The following SPAG6 variants were observed in gnomAD, a reference collection of about 807,000 sequenced individuals.
SPAG6 encodes sperm-associated antigen 6.
A neutral mutation model predicts 58.5 loss-of-function variants in SPAG6; 49 were observed. That is an observed-to-expected ratio of 0.84 (90% confidence interval 0.67 to 1.06). The LOEUF is 1.06. Ranked by LOEUF, SPAG6 falls within the 50% of genes least tolerant of loss-of-function variation. The pLI, the probability that SPAG6 is intolerant of heterozygous loss-of-function variation, is 0.00. For missense variants in SPAG6, 560 were observed against 611.3 expected (o/e 0.92, Z 0.89); for synonymous variants, 233 against 225.6 (o/e 1.03, Z -0.29).
At position 22,387,920 on chromosome 10, in the gene SPAG6, G is replaced by A. The variant is rs754715150; in HGVS notation, c.776G>A (p.Cys259Tyr). 9 of 1,613,048 alleles carry A rather than the reference G, an allele frequency of 5.6e-6. No homozygotes were observed. The highest frequency in any genetic ancestry group is 4.0e-5 in the African/African-American group (3 of 74,810). Residue 259 changes from cysteine to tyrosine, a missense_variant, in exon 6 of 11, where the codon TGT becomes TAT. Transcript: ENST00000376624. ...EAEIFPVVLT[C>Y]LKDKDEYVKK... ...GAGATTTTTCCAGTTGTACTTACCT[G>A]TCTGAAGGACAAGGATGAATACGTG...
At chr10:22,393,677 T>C (rs1238295386) in intron 8 of SPAG6, among the ~76,000 whole-genome samples, 3 of 152,206 alleles carry the variant, frequency 2.0e-5, no homozygotes, top group Non-Finnish European at 4.4e-5. Flanking sequence ...CATTATTCCA[T>C]CAACAATCTT....
At chr10:22,352,752 A>G (rs1165818061) in intron 2 of SPAG6, among the ~76,000 whole-genome samples, 5 of 152,138 alleles carry the variant, frequency 3.3e-5, no homozygotes, top group Non-Finnish European at 5.9e-5. Flanking sequence ...CAGGTGATCC[A>G]CCCGCCTCGG....
At chr10:22,359,786 C>A (rs1335376222) in intron 2 of SPAG6, among the ~76,000 whole-genome samples, 1 of 152,064 alleles carries the variant, frequency 6.6e-6, no homozygotes, top group African/African-American at 2.4e-5. Context: ...GACTGAAGGC[C>A]CAGTTTGCAG....
At chr10:22,401,118 A>G (rs527915629) in intron 8 of SPAG6, 43 bp from the exon 9 acceptor site, 1 of 879,912 alleles carries the variant, frequency 1.1e-6, no homozygotes, top group South Asian at 1.4e-5. Flanking sequence ...TCAAGGTTTC[A>G]TTGATTACTT....
chr10:22,406,032 T>C (rs1834545234), intron 9 of SPAG6, among the ~76,000 whole-genome samples: 1 of 152,214 alleles, frequency 6.6e-6, no homozygotes, highest in Non-Finnish European at 1.5e-5. Context: ...CTCTCTTTTT[T>C]TCTTTATTAG....
At chr10:22,354,217 T>A (rs1836805515) in intron 2 of SPAG6, among the ~76,000 whole-genome samples, 1 of 152,146 alleles carries the variant, frequency 6.6e-6, no homozygotes, top group South Asian at 2.1e-4. Flanking sequence ...TGGGTGCTCA[T>A]TTTTGCTATA....
At chr10:22,379,432 A>G (rs1833900377) in intron 4 of SPAG6, among the ~76,000 whole-genome samples, 1 of 152,198 alleles carries the variant, frequency 6.6e-6, no homozygotes, top group Non-Finnish European at 1.5e-5. Flanking sequence ...GTCTTTTATA[A>G]TCTTGAGTCT....
At chr10:22,387,412 A>G (rs949162134) in intron 5 of SPAG6, among the ~76,000 whole-genome samples, 15 of 152,304 alleles carry the variant, frequency 9.8e-5, no homozygotes, top group South Asian at 6.2e-4. Context: ...AATTGTTAAC[A>G]TTAACTAAGC....
intron 4 of SPAG6, among the ~76,000 whole-genome samples, chr10:22,378,250 G>C (rs1170547): frequency 1.3e-5 from 2 of 151,408 alleles, no homozygotes; most frequent in African/African-American, 4.8e-5. Flanking sequence ...TTTTAGTAGA[G>C]ACGGGGTTTC....
rs1478875074 is a variant in SPAG6, at chr10:22,389,153, C to T, written c.853-7C>T. The T allele has an allele frequency of 6.8e-6, 11 of 1,612,358 alleles. No individual in the cohort carries two copies. Among genetic ancestry groups the T allele is most frequent in the South Asian group, 3.3e-5 (3 of 90,976 alleles). On this transcript the variant is annotated splice_polypyrimidine_tract_variant and splice_region_variant and intron_variant, in intron 6 of 10. Transcript: ENST00000376624. ...CTGGTGATCTAACTCTTGTTCCCAT[C>T]GCTTAGCTTTCACAGCTGGTAGTTA... is the stretch of plus-strand genomic sequence containing the variant.
In SPAG6 at chr10:22,345,845, G is replaced by A. The variant is rs1836508327; in HGVS notation, c.121+27G>A. 1 of 1,602,054 alleles carries A rather than the reference G, an allele frequency of 6.2e-7. No individual in the cohort carries two copies. Among genetic ancestry groups the A allele is most frequent in the East Asian group, 2.3e-5 (1 of 43,984 alleles). On this transcript the variant is annotated intron_variant, in intron 2 of 10. Transcript: ENST00000376624. This position sits in a 1 kb window ranked among gnomAD's most constrained non-coding sequence, Gnocchi z 6.3. Reference sequence around the variant, plus strand: ...TGAGCCCGGAGCCCGAACCCCCGTCGCCCCCCGCGCACTGAGTCCCCGACG... The same window carrying A: ...TGAGCCCGGAGCCCGAACCCCCGTCACCCCCCGCGCACTGAGTCCCCGACG...
intron 4 of SPAG6, among the ~76,000 whole-genome samples, chr10:22,372,365 A>C (rs1297399813): frequency 6.6e-6 from 1 of 152,220 alleles, no homozygotes. Context: ...TCCAAGGAAT[A>C]GTCTTGCTTT....
Position 22,375,212 on chromosome 10 carries a change from T to C in SPAG6, c.472+6534T>C, listed in dbSNP as rs111330202. ...AAATCTGCCTAATACCTTTTTGATATTGGGGGGAGGAGCCCACTTTTATTT... is the reference window on the plus strand; with the variant it reads ...AAATCTGCCTAATACCTTTTTGATACTGGGGGGAGGAGCCCACTTTTATTT... On this transcript the variant is annotated intron_variant, in intron 4 of 10. Transcript: ENST00000376624. Among the ~76,000 whole-genome samples the C allele has an allele frequency of 6.4e-3, 982 of 152,330 alleles. 19 individuals are homozygous for C. The East Asian group carries it at 0.066, about 10-fold the overall frequency.
rs370968287 is a variant in SPAG6 at position 22,380,395 on chromosome 10, C to T, written c.473-6359C>T. Among the ~76,000 whole-genome samples the T allele has an allele frequency of 2.1e-4, 32 of 152,236 alleles. 2 individuals carry two copies. The highest frequency in any genetic ancestry group is 6.5e-4 in the African/African-American group (27 of 41,522). On this transcript the variant is annotated intron_variant, in intron 4 of 10. Coordinates refer to ENST00000376624, the MANE Select transcript of SPAG6 (RefSeq NM_012443.4). ...CTTGGCTCACAGAAACTTCTGCCTC[C>T]TGGGTTCAAGGGGTCCTCCCACCTC... is the stretch of plus-strand genomic sequence containing the variant.
In SPAG6 at chr10:22,359,833, T is replaced by A. The variant is rs1264282792; in HGVS notation, c.122-5020T>A. 2.6e-5 allele frequency among the ~76,000 whole-genome samples: 4 copies of A among 152,184 alleles called. No homozygotes were observed. The East Asian group carries it at 7.7e-4, about 29-fold the overall frequency. On this transcript the variant is annotated intron_variant, in intron 2 of 10. Transcript: ENST00000376624. Reference sequence around the variant, plus strand: ...TTTATTTTTCATTTAACTTTTATTTTGAGTTCAGGGGTACATGTGCAGGTT... The same window carrying A: ...TTTATTTTTCATTTAACTTTTATTTAGAGTTCAGGGGTACATGTGCAGGTT...
chr10:22,417,295 C>A lies in SPAG6; in HGVS notation c.*607C>A, dbSNP rs552457137. The A allele has an allele frequency of 6.6e-6, 1 of 152,314 alleles. No individual in the cohort carries two copies. The highest frequency in any genetic ancestry group is 6.5e-5 in the Admixed American group (1 of 15,302). 9.4% of individuals were successfully genotyped at this position (152,314 alleles called of 1,614,324 possible). A position where few individuals can be genotyped will look rare whatever the true frequency, so the allele number is the denominator to read the frequency against. On this transcript the variant is annotated 3_prime_UTR_variant, in exon 11 of 11. Transcript: ENST00000376624. ...TTCCAAACCTCCTTCCCCACCCTAT[C>A]TAAAGTGTTCCTTACCTTTCATGGG...
intron 9 of SPAG6, among the ~76,000 whole-genome samples, chr10:22,405,304 A>C (rs1482277974): frequency 1.4e-4 from 22 of 152,220 alleles, no homozygotes; most frequent in African/African-American, 4.1e-4. Context: ...ATTTTGAGAT[A>C]TGTCCCATCA....
chr10:22,397,395 C>A (rs890739869), intron 8 of SPAG6, among the ~76,000 whole-genome samples: 2 of 152,188 alleles, frequency 1.3e-5, no homozygotes, highest in African/African-American at 4.8e-5. Context: ...TTACTGCAAC[C>A]TCCACCTCCC....
chr10:22,349,597 A>T (rs2132027022), intron 2 of SPAG6, among the ~76,000 whole-genome samples: 1 of 152,342 alleles, frequency 6.6e-6, no homozygotes, highest in Middle Eastern at 3.4e-3. Flanking sequence ...ATGACTTTTA[A>T]ACTTAGCTAT....
Sources: allele counts gnomAD v4.1 joint callset (sites outside exome capture counted in the v4.1 genomes callset), GRCh38; gene constraint gnomAD v4.1.1; non-coding constraint Gnocchi (gnomAD v3.1); transcripts MANE v1.5; gene names NCBI Gene and HGNC (gene_info 2026-07-23, HGNC 2026-07-21).